CNTLN: variants seen among roughly 807,000 people sequenced by gnomAD.
CNTLN encodes centlein, also known as centlein, centrosomal protein.
In CNTLN, 212 loss-of-function variants were observed where a neutral mutation model predicts 180.0. The ratio of observed to expected loss-of-function variants is 1.18; its 90% CI spans 1.05 to 1.32. The LOEUF (loss-of-function observed/expected upper bound fraction) is 1.32. CNTLN is among the 40% of genes most tolerant of loss of function. The pLI is 0.00. For missense variants in CNTLN, 2,095 were observed against 1,610.9 expected, an observed-to-expected ratio of 1.30 and a Z score of -5.14; for synonymous variants, 722 against 563.1, an observed-to-expected ratio of 1.28 and a Z score of -3.99.
chr9:17,422,893 A>T (rs1056808768), intron 18 of CNTLN, among the ~76,000 whole-genome samples: 14 of 152,162 alleles, frequency 9.2e-5, no homozygotes, highest in African/African-American at 3.4e-4. Flanking sequence ...ATTGAGTGTT[A>T]TGACCTAAGT....
chr9:17,194,797 C>G (rs1006610580), intron 2 of CNTLN, among the ~76,000 whole-genome samples: 1 of 152,170 alleles, frequency 6.6e-6, no homozygotes, highest in South Asian at 2.1e-4. Flanking sequence ...AAAGACATAT[C>G]TGAGACTGGG....
At chr9:17,494,047 A>G (rs1422813662) in intron 25 of CNTLN, among the ~76,000 whole-genome samples, 1 of 152,244 alleles carries the variant, frequency 6.6e-6, no homozygotes, top group Non-Finnish European at 1.5e-5. Context: ...GAATGATAAA[A>G]TAATGCATGC....
At chr9:17,413,615 C>A (rs1439936740) in intron 16 of CNTLN, among the ~76,000 whole-genome samples, 1 of 152,050 alleles carries the variant, frequency 6.6e-6, no homozygotes, top group Non-Finnish European at 1.5e-5. Context: ...TATGAGCAAA[C>A]ATTTTACCAA....
intron 14 of CNTLN, among the ~76,000 whole-genome samples, chr9:17,390,296 G>A (rs1826009332): frequency 8.1e-6 from 1 of 122,926 alleles, no homozygotes; most frequent in Non-Finnish European, 1.6e-5. Flanking sequence ...CTGGAGTACA[G>A]TGGGCAGTGT....
At chr9:17,492,911 C>T (rs747207320) in intron 25 of CNTLN, among the ~76,000 whole-genome samples, 9 of 152,090 alleles carry the variant, frequency 5.9e-5, no homozygotes, top group South Asian at 4.2e-4. Context: ...CTTAAAAAGG[C>T]ATGAAGTACT....
intron 2 of CNTLN, among the ~76,000 whole-genome samples, chr9:17,143,789 G>A (rs577926810): frequency 2.6e-5 from 4 of 152,252 alleles, no homozygotes; most frequent in African/African-American, 7.2e-5. Context: ...TTGAAAGCCG[G>A]GGATGACCTT....
chr9:17,181,715 C>T (rs554502082), intron 2 of CNTLN, among the ~76,000 whole-genome samples: 2 of 152,302 alleles, frequency 1.3e-5, no homozygotes, highest in African/African-American at 4.8e-5. Flanking sequence ...CTATTTACTG[C>T]CGGAAGAGTT....
At chr9:17,269,252 T>C (rs1827759395) in intron 5 of CNTLN, among the ~76,000 whole-genome samples, 1 of 152,172 alleles carries the variant, frequency 6.6e-6, no homozygotes, top group Admixed American at 6.5e-5. Flanking sequence ...ATTGTTTTGT[T>C]ATTTAATTAA....
intron 25 of CNTLN, among the ~76,000 whole-genome samples, chr9:17,492,448 G>A (rs767239288): frequency 5.9e-5 from 9 of 152,232 alleles, no homozygotes; most frequent in Middle Eastern, 3.4e-3. Context: ...TTCAATTGCT[G>A]TATCTATTTG....
intron 23 of CNTLN, among the ~76,000 whole-genome samples, chr9:17,475,540 A>T (rs1255958978): frequency 6.7e-6 from 1 of 149,712 alleles, no homozygotes; most frequent in Non-Finnish European, 1.5e-5. Flanking sequence ...GGAAAGAAGG[A>T]AGGGAGGGAG....
chr9:17,484,854 T>C (rs898199633), intron 24 of CNTLN, among the ~76,000 whole-genome samples: 5 of 152,186 alleles, frequency 3.3e-5, no homozygotes, highest in African/African-American at 1.2e-4. Flanking sequence ...TGAAGTTTTT[T>C]TCTCTTTGTG....
At chr9:17,338,997 T>A (rs1821269091) in intron 10 of CNTLN, among the ~76,000 whole-genome samples, 1 of 152,188 alleles carries the variant, frequency 6.6e-6, no homozygotes, top group African/African-American at 2.4e-5. Flanking sequence ...TATTAAACTA[T>A]CCTACTTTAG....
intron 6 of CNTLN, among the ~76,000 whole-genome samples, chr9:17,283,464 T>G (rs1478151534): frequency 6.6e-6 from 1 of 152,206 alleles, no homozygotes; most frequent in East Asian, 1.9e-4. Flanking sequence ...GAGACTTTGC[T>G]GAAGTTGCAT....
At chr9:17,193,593 G>A (rs192253248) in intron 2 of CNTLN, among the ~76,000 whole-genome samples, 73 of 152,308 alleles carry the variant, frequency 4.8e-4, no homozygotes, top group Non-Finnish European at 8.1e-4. Flanking sequence ...GGGCAGCTCT[G>A]CACCTGTGGC....
intron 18 of CNTLN, among the ~76,000 whole-genome samples, chr9:17,425,705 A>G (rs1829034443): frequency 6.6e-6 from 1 of 152,156 alleles, no homozygotes; most frequent in Non-Finnish European, 1.5e-5. Context: ...GCTACTGGAA[A>G]CTAGAGGAAA....
Position 17,289,490 on chromosome 9 carries a change from G to C in CNTLN, c.984-8700G>C, listed in dbSNP as rs566885368. Among the ~76,000 whole-genome samples the C allele has an allele frequency of 1.6e-4, 22 of 136,580 alleles. 5 individuals are homozygous for C. The highest frequency in any genetic ancestry group is 6.2e-4 in the African/African-American group (20 of 32,510). 89.6% of individuals were successfully genotyped at this position (136,580 alleles called of 152,430 possible). On this transcript the variant is annotated intron_variant, in intron 6 of 25. Transcript: ENST00000380647. ...GTGAATCTGACAATTATGTGTCTTG[G>C]AGTTGCTCTTCTGGAGGAGTGTCTT...
intron 2 of CNTLN, among the ~76,000 whole-genome samples, chr9:17,170,468 T>A (rs945740899): frequency 7.2e-5 from 11 of 152,126 alleles, no homozygotes; most frequent in African/African-American, 1.2e-4. Flanking sequence ...TGGTGTTCCC[T>A]AAGTACTGTA....
chr9:17,514,108 G>T, the CNTLN span, among the ~76,000 whole-genome samples: 1 of 151,124 alleles, frequency 6.6e-6, no homozygotes, highest in African/African-American at 2.4e-5. Flanking sequence ...AGGAGTTTGA[G>T]ACCAGCCTAG....
chr9:17,473,509 C>T (rs191714326), intron 23 of CNTLN, among the ~76,000 whole-genome samples: 5 of 151,920 alleles, frequency 3.3e-5, no homozygotes, highest in Admixed American at 2.0e-4. Flanking sequence ...GGACTTTGGC[C>T]CTGTAGTTTC....
Sources: allele counts gnomAD v4.1 joint callset (sites outside exome capture counted in the v4.1 genomes callset), GRCh38; gene constraint gnomAD v4.1.1; transcripts MANE v1.5; gene names NCBI Gene and HGNC (gene_info 2026-07-23, HGNC 2026-07-21).